LRFN2: variants seen among roughly 807,000 people sequenced by gnomAD.
LRFN2 encodes the protein leucine rich repeat and fibronectin type III domain containing 2, also known as leucine-rich repeat and fibronectin type-III domain-containing protein 2.
A neutral mutation model predicts 37.3 loss-of-function variants in LRFN2; 18 were observed. That is an observed-to-expected ratio of 0.48 (90% CI 0.33 to 0.72). The LOEUF (loss-of-function observed/expected upper bound fraction) is 0.72. Among genes scored for constraint, LRFN2 ranks in the 30% least tolerant of loss-of-function variants. The pLI is 0.02. For missense variants in LRFN2, 1,006 were observed against 1,060.7 expected, an observed-to-expected ratio of 0.95 and a Z score of 0.72; for synonymous variants, 556 against 466.6, an observed-to-expected ratio of 1.19 and a Z score of -2.47.
At chr6:40,539,877 T>A (rs2113915297) in intron 1 of LRFN2, among the ~76,000 whole-genome samples, 2 of 152,266 alleles carry the variant, frequency 1.3e-5, no homozygotes, top group South Asian at 4.1e-4. Flanking sequence ...ATGTCATGAT[T>A]CCTGACTCAG....
intron 1 of LRFN2, among the ~76,000 whole-genome samples, chr6:40,524,638 C>T (rs1007827531): frequency 1.3e-5 from 2 of 152,216 alleles, no homozygotes; most frequent in Non-Finnish European, 2.9e-5. Context: ...TAAACTGTGT[C>T]TTTTCATGTA....
chr6:40,560,302 A>ATGT (rs1387094948), intron 1 of LRFN2, among the ~76,000 whole-genome samples: 1 of 152,172 alleles, frequency 6.6e-6, no homozygotes, highest in Non-Finnish European at 1.5e-5. Context: ...TTCAGGGATC[A>ATGT]TGTGTTCAAG....
intron 1 of LRFN2, among the ~76,000 whole-genome samples, chr6:40,527,677 G>T (rs867972937): frequency 4.6e-5 from 7 of 152,146 alleles, no homozygotes; most frequent in East Asian, 1.9e-4. Flanking sequence ...AAGGAGAAAG[G>T]TACCATAGTA....
rs560465671 is a variant in LRFN2, at chr6:40,405,406, A to G, written c.1401-12494T>C. ...CTTCCTAGAAATATCCCCTTTCTGT[A>G]AAATGGGGCGTTCATAATCTCTGCC... On this transcript the variant is annotated intron_variant, in intron 2 of 2. Transcript: ENST00000338305. Among the ~76,000 whole-genome samples the G allele has an allele frequency of 3.3e-5, 5 of 152,312 alleles. No individual in the cohort carries two copies. The East Asian group carries it at 9.7e-4, about 29-fold the overall frequency.
At chr6:40,488,555 C>T (rs1217157890) in intron 1 of LRFN2, among the ~76,000 whole-genome samples, 1 of 152,190 alleles carries the variant, frequency 6.6e-6, no homozygotes, top group Non-Finnish European at 1.5e-5. Flanking sequence ...GTCCCCACCA[C>T]ACCTTAGGCA....
rs138887836 is a variant in LRFN2, at chr6:40,584,216, T to G, written c.-19+2725A>C. ...AAGAACTCTCTCTCCCTTCCAACCCTCCCTGTTTCCACTGAAGACTCTCCC... is the reference window on the plus strand; with the variant it reads ...AAGAACTCTCTCTCCCTTCCAACCCGCCCTGTTTCCACTGAAGACTCTCCC... On this transcript the variant is annotated intron_variant, in intron 1 of 2. Coordinates refer to ENST00000338305, the MANE Select transcript of LRFN2 (RefSeq NM_020737.3). Among the ~76,000 whole-genome samples, 64 of 152,196 alleles carry G rather than the reference T, an allele frequency of 4.2e-4. No individual in the cohort carries two copies. The South Asian group carries it at 5.8e-3, about 14-fold the overall frequency.
chr6:40,566,168 A>G (rs1767086786), intron 1 of LRFN2, among the ~76,000 whole-genome samples: 1 of 152,242 alleles, frequency 6.6e-6, no homozygotes, highest in Non-Finnish European at 1.5e-5. Context: ...AGAAATGCAA[A>G]TCAAAACCAC....
intron 2 of LRFN2, among the ~76,000 whole-genome samples, chr6:40,402,218 A>G (rs1762754283): frequency 6.6e-6 from 1 of 152,042 alleles, no homozygotes; most frequent in East Asian, 1.9e-4. Context: ...TTGATTCTGC[A>G]TGCTGACTGT....
chr6:40,584,515 A>G (rs1767465440), intron 1 of LRFN2, among the ~76,000 whole-genome samples: 1 of 152,204 alleles, frequency 6.6e-6, no homozygotes. Flanking sequence ...GCTCTTGTTC[A>G]GAGTCCAATT....
intron 1 of LRFN2, among the ~76,000 whole-genome samples, chr6:40,475,477 G>T (rs1242954656): frequency 1.3e-5 from 2 of 152,118 alleles, no homozygotes; most frequent in African/African-American, 4.8e-5. Context: ...GGCTGGTGGG[G>T]TGTCATGAGA....
chr6:40,402,912 A>C (rs1439826482), intron 2 of LRFN2, among the ~76,000 whole-genome samples: 1 of 152,184 alleles, frequency 6.6e-6, no homozygotes, highest in African/African-American at 2.4e-5. Context: ...AACCACGTGG[A>C]TATCCATGGG....
At chr6:40,546,979 A>T (rs1381499628) in intron 1 of LRFN2, among the ~76,000 whole-genome samples, 1 of 152,150 alleles carries the variant, frequency 6.6e-6, no homozygotes, top group Non-Finnish European at 1.5e-5. Flanking sequence ...AGTATTACTG[A>T]GAGAATTTGA....
At chr6:40,547,257 A>G (rs1432445010) in intron 1 of LRFN2, among the ~76,000 whole-genome samples, 2 of 152,016 alleles carry the variant, frequency 1.3e-5, no homozygotes, top group Non-Finnish European at 2.9e-5. Context: ...GGTGCATGCC[A>G]CCACACCTGG....
chr6:40,519,543 T>G (rs1476186124), intron 1 of LRFN2, among the ~76,000 whole-genome samples: 1 of 152,192 alleles, frequency 6.6e-6, no homozygotes, highest in African/African-American at 2.4e-5. Context: ...CTTGTCTTCT[T>G]GTGCCTCCAC....
At chr6:40,577,830 T>A (rs9471382) in intron 1 of LRFN2, among the ~76,000 whole-genome samples, 2,512 of 143,224 alleles carry the variant, frequency 0.018, 85 homozygotes, top group African/African-American at 0.06. Context: ...AAAATAAAAA[T>A]AAATAAAAAT....
At chr6:40,536,742 G>A (rs1462771972) in intron 1 of LRFN2, among the ~76,000 whole-genome samples, 1 of 152,160 alleles carries the variant, frequency 6.6e-6, no homozygotes, top group Admixed American at 6.5e-5. Flanking sequence ...TCAGGAGCCA[G>A]AGAAGAATTG....
At chr6:40,473,423 C>T (rs1204909688) in intron 1 of LRFN2, among the ~76,000 whole-genome samples, 1 of 152,196 alleles carries the variant, frequency 6.6e-6, no homozygotes, top group African/African-American at 2.4e-5. Context: ...GACATAGCCC[C>T]CCAGGCCTCC....
chr6:40,558,216 G>A (rs1766926312), intron 1 of LRFN2, among the ~76,000 whole-genome samples: 3 of 152,188 alleles, frequency 2.0e-5, no homozygotes, highest in African/African-American at 7.2e-5. Flanking sequence ...CTACTTGTTC[G>A]ACTGATTAAC....
Position 40,392,646 on chromosome 6 carries a change from CG to C in LRFN2, c.1666del (p.Arg556AlafsTer17). ...LLVFIVILMV[R>X]YKVCNHEAPS... ...GGCCTCGTGGTTGCAGACCTTGTAGCGCACCATGAGGATGACGATGAAGACC... is the reference window on the plus strand; with the variant it reads ...GGCCTCGTGGTTGCAGACCTTGTAGCCACCATGAGGATGACGATGAAGACC... On this transcript the variant is annotated frameshift_variant, in exon 3 of 3. Coordinates refer to ENST00000338305, the MANE Select transcript of LRFN2 (RefSeq NM_020737.3). LOFTEE classifies it high-confidence loss of function. This position sits in a 1 kb window ranked among gnomAD's most constrained non-coding sequence, Gnocchi z 4.7. 1.9e-6 allele frequency: 3 copies of C among 1,612,670 alleles called. No homozygotes were observed. The highest frequency in any genetic ancestry group is 2.5e-6 in the Non-Finnish European group (3 of 1,180,022).
Sources: gnomAD v4.1 joint callset for allele counts (sites outside exome capture counted in the v4.1 genomes callset) on GRCh38, gnomAD v4.1.1 for gene constraint, Gnocchi (gnomAD v3.1) non-coding constraint, MANE v1.5 for transcripts, NCBI Gene and HGNC (gene_info 2026-07-23, HGNC 2026-07-21) for gene names.